Variants in PRKD1 observed in about 807,000 individuals in gnomAD.
The protein encoded by PRKD1 is protein kinase D1.
Under a neutral mutation model 95.9 loss-of-function variants are expected in PRKD1, and 63 were observed. The observed-to-expected ratio is 0.66, with a 90% CI of 0.54 to 0.81. PRKD1 has a LOEUF of 0.81. PRKD1 is among the 30% of genes least tolerant of loss of function. The probability of loss-of-function intolerance (pLI) is 0.00; values close to 1 mark genes in which losing one functional copy is unlikely to be tolerated. For missense variants in PRKD1, 1,048 were observed against 1,165.3 expected (o/e 0.90, Z 1.47); for synonymous variants, 425 against 423.1 (o/e 1.00, Z -0.05).
intron 1 of PRKD1, among the ~76,000 whole-genome samples, chr14:29,796,220 A>T (rs896466125): frequency 2.6e-5 from 4 of 152,192 alleles, no homozygotes; most frequent in African/African-American, 9.6e-5. Flanking sequence ...TGCATGATGC[A>T]GTTTCCTGAA....
intron 1 of PRKD1, among the ~76,000 whole-genome samples, chr14:29,904,570 C>T (rs1306113730): frequency 6.6e-6 from 1 of 152,130 alleles, no homozygotes; most frequent in Non-Finnish European, 1.5e-5. Context: ...AGGATAATAA[C>T]ACTAGCAATA....
In PRKD1 at chr14:29,873,829, T is replaced by C. The variant is rs138854760; in HGVS notation, c.264+53420A>G. 7.9e-5 allele frequency among the ~76,000 whole-genome samples: 12 copies of C among 151,850 alleles called. No individual in the cohort carries two copies. In the East Asian group the frequency reaches 2.3e-3, roughly 29 times the overall value. On this transcript the variant is annotated intron_variant, in intron 1 of 17. Transcript: ENST00000331968. ...ATAGTTGTATATAATATATAAATTA[T>C]TTTAATAAAGTAGCACATATATAAT...
In PRKD1 at chr14:29,927,525, C is replaced by A; in HGVS notation, c.-13G>T. 8.6e-7 allele frequency: 1 copy of A among 1,165,624 alleles called. No homozygotes were observed. The highest frequency in any genetic ancestry group is 1.1e-6 in the Non-Finnish European group (1 of 947,486). The allele number at this position is 1,165,624 out of a possible 1,614,324, so 72.2% of individuals were successfully genotyped here. ...GAGGGGCGCTCATCGCTCGGCGGGG[C>A]GCAGGGCCGGGCAGCGGAGGGCGGG... On this transcript the variant is annotated 5_prime_UTR_variant, in exon 1 of 18. Coordinates refer to ENST00000331968, the MANE Select transcript of PRKD1 (RefSeq NM_002742.3).
intron 13 of PRKD1, among the ~76,000 whole-genome samples, chr14:29,603,415 TA>T (rs1893594277): frequency 6.6e-6 from 1 of 152,212 alleles, no homozygotes; most frequent in Non-Finnish European, 1.5e-5. Context: ...CAAAACAGAC[TA>T]CATAGATCAT....
intron 1 of PRKD1, among the ~76,000 whole-genome samples, chr14:29,915,873 C>G (rs1016884363): frequency 6.6e-6 from 1 of 152,120 alleles, no homozygotes; most frequent in South Asian, 2.1e-4. Context: ...CTGCTTTTTA[C>G]GTAGTAGCTG....
At position 29,879,695 on chromosome 14, in the gene PRKD1, G is replaced by C. The variant is rs145694740; in HGVS notation, c.264+47554C>G. ...GAAGAAGACAGGAAAATGTGGGCAAGTTTGGAACCTCCTAGAGACTTTGAC... is the reference window on the plus strand; with the variant it reads ...GAAGAAGACAGGAAAATGTGGGCAACTTTGGAACCTCCTAGAGACTTTGAC... On this transcript the variant is annotated intron_variant, in intron 1 of 17. Transcript: ENST00000331968. Among the ~76,000 whole-genome samples the C allele has an allele frequency of 2.9e-3, 438 of 152,312 alleles. 1 individual carries two copies. Among genetic ancestry groups the C allele is most frequent in the African/African-American group, 9.9e-3 (411 of 41,560 alleles).
At chr14:29,672,838 G>A (rs919070673) in intron 2 of PRKD1, among the ~76,000 whole-genome samples, 2 of 151,630 alleles carry the variant, frequency 1.3e-5, no homozygotes, top group African/African-American at 4.8e-5. Context: ...CCAGGCCTAT[G>A]TTCTATTATG....
chr14:29,659,589 A>G (rs1395185850), intron 4 of PRKD1, among the ~76,000 whole-genome samples: 1 of 152,156 alleles, frequency 6.6e-6, no homozygotes, highest in Non-Finnish European at 1.5e-5. Context: ...TCCCAGTAGT[A>G]GTGTATGTAA....
chr14:29,879,654 C>G (rs896415137), intron 1 of PRKD1, among the ~76,000 whole-genome samples: 2 of 152,072 alleles, frequency 1.3e-5, no homozygotes, highest in Non-Finnish European at 2.9e-5. Flanking sequence ...TAGGTTGGAA[C>G]AGTTTGGAGG....
Position 29,881,233 on chromosome 14 carries a change from C to T in PRKD1, c.264+46016G>A, listed in dbSNP as rs142727160. 5.3e-4 allele frequency among the ~76,000 whole-genome samples: 81 copies of T among 152,120 alleles called. 1 individual carries two copies. Among genetic ancestry groups the T allele is most frequent in the African/African-American group, 1.8e-3 (73 of 41,506 alleles). ...GGAGAGGTAATTGAATCCTGGGGAC[C>T]GGTCTTTTCCGTGCTATTCTCATGA... is the stretch of plus-strand genomic sequence containing the variant. On this transcript the variant is annotated intron_variant, in intron 1 of 17. Transcript: ENST00000331968.
chr14:29,663,003 T>A (rs1882266204), intron 4 of PRKD1, among the ~76,000 whole-genome samples: 1 of 148,890 alleles, frequency 6.7e-6, no homozygotes, highest in Admixed American at 6.7e-5. Context: ...CAAATTTAAC[T>A]TTCTTAAGGA....
intron 1 of PRKD1, among the ~76,000 whole-genome samples, chr14:29,763,395 GGGGAGGGAGGGAGGGAGAAGGGAGGGGAA>G (rs1888102415): frequency 8.3e-6 from 1 of 120,670 alleles, no homozygotes; most frequent in Non-Finnish European, 1.7e-5. Flanking sequence ...AGGAGGGAGA[GGGGAGGGAGGGAGGGAGAAGGGAGGGGAA>G]GGGAGGGGGA....
At chr14:29,667,933 T>G (rs1335812678) in intron 2 of PRKD1, among the ~76,000 whole-genome samples, 3 of 55,798 alleles carry the variant, frequency 5.4e-5, no homozygotes, top group Non-Finnish European at 1.0e-4. Flanking sequence ...GTAAATTTGT[T>G]TTTTTTTTTT....
intron 1 of PRKD1, among the ~76,000 whole-genome samples, chr14:29,792,295 T>C (rs1184023995): frequency 3.0e-4 from 45 of 152,146 alleles, no homozygotes; most frequent in Admixed American, 2.9e-3. Flanking sequence ...AGTTTTAATC[T>C]CAAGAACAGA....
intron 1 of PRKD1, among the ~76,000 whole-genome samples, chr14:29,775,308 T>C (rs796931306): frequency 7.9e-5 from 12 of 152,182 alleles, no homozygotes; most frequent in African/African-American, 2.9e-4. Flanking sequence ...TGCAGGACAG[T>C]GGGTGCAGCC....
At chr14:29,886,834 C>A (rs1893724939) in intron 1 of PRKD1, among the ~76,000 whole-genome samples, 1 of 152,180 alleles carries the variant, frequency 6.6e-6, no homozygotes, top group African/African-American at 2.4e-5. Flanking sequence ...TCTATTTTGT[C>A]ATTTATATTT....
chr14:29,644,388 A>C lies in PRKD1; in HGVS notation c.697-5484T>G, dbSNP rs114615243. ...ATATTAATGGGTGGCCCTCAGCATC[A>C]AGGATGCAATGAGGAATGGTTGAGA... On this transcript the variant is annotated intron_variant, in intron 4 of 17. Coordinates refer to ENST00000331968, the MANE Select transcript of PRKD1 (RefSeq NM_002742.3). 8.5e-3 allele frequency among the ~76,000 whole-genome samples: 1,290 copies of C among 152,314 alleles called. 19 individuals carry two copies. Among genetic ancestry groups the C allele is most frequent in the African/African-American group, 0.03 (1,230 of 41,568 alleles).
intron 1 of PRKD1, among the ~76,000 whole-genome samples, chr14:29,776,097 A>T (rs1203390258): frequency 6.6e-6 from 1 of 152,204 alleles, no homozygotes; most frequent in Non-Finnish European, 1.5e-5. Flanking sequence ...GACTGTCAGA[A>T]GGAAAACTAA....
chr14:29,619,590 A>G (rs1055801833), intron 13 of PRKD1, among the ~76,000 whole-genome samples: 2 of 152,264 alleles, frequency 1.3e-5, no homozygotes, highest in South Asian at 2.1e-4. Context: ...AATAAATACA[A>G]TTCTATAGTA....
Sources: gnomAD v4.1 joint callset for allele counts (sites outside exome capture counted in the v4.1 genomes callset) on GRCh38, gnomAD v4.1.1 for gene constraint, MANE v1.5 for transcripts, NCBI Gene and HGNC (gene_info 2026-07-23, HGNC 2026-07-21) for gene names.